The following RABGAP1 variants were observed in gnomAD, a reference collection of about 807,000 sequenced individuals.
RABGAP1 encodes RAB GTPase activating protein 1.
RABGAP1 carries 23 observed loss-of-function variants against 137.6 expected under a neutral mutation model. The ratio of observed to expected loss-of-function variants is 0.17; its 90% confidence interval spans 0.12 to 0.24. The LOEUF is 0.24. RABGAP1 is among the 10% of genes least tolerant of loss of function. RABGAP1 has a pLI of 1.00. For synonymous variants in RABGAP1, 451 were observed against 450.7 expected (o/e 1.00, Z -0.01); for missense variants, 906 against 1,275.8 (o/e 0.71, Z 4.42).
At chr9:123,012,644 A>G (rs1325047487) in intron 11 of RABGAP1, among the ~76,000 whole-genome samples, 1 of 152,230 alleles carries the variant, frequency 6.6e-6, no homozygotes, top group East Asian at 1.9e-4. Flanking sequence ...CTTGGGGGAA[A>G]TCATGGAACA....
At chr9:123,066,530 C>T (rs1438589241) in intron 14 of RABGAP1, among the ~76,000 whole-genome samples, 1 of 152,176 alleles carries the variant, frequency 6.6e-6, no homozygotes, top group South Asian at 2.1e-4. Flanking sequence ...TAAGACATGT[C>T]ACTCTCTTGG....
At chr9:123,020,678 AG>A (rs1342441935) in intron 13 of RABGAP1, among the ~76,000 whole-genome samples, 4 of 152,208 alleles carry the variant, frequency 2.6e-5, no homozygotes, top group African/African-American at 9.7e-5. Flanking sequence ...GGTGTCTTCT[AG>A]CCCATTGTAT....
At chr9:122,953,981 A>G (rs567123515) in intron 1 of RABGAP1, among the ~76,000 whole-genome samples, 1 of 152,288 alleles carries the variant, frequency 6.6e-6, no homozygotes, top group East Asian at 1.9e-4. Context: ...TTTACATTAT[A>G]CTTAAATTAC....
intron 19 of RABGAP1, among the ~76,000 whole-genome samples, chr9:123,083,306 T>C (rs570486649): frequency 2.0e-5 from 3 of 152,362 alleles, no homozygotes; most frequent in South Asian, 4.1e-4. Context: ...TTGAAACTTA[T>C]TCTCTATACA....
intron 8 of RABGAP1, 92 bp from the exon 9 acceptor site, chr9:122,997,167 T>G (rs762119749): frequency 7.1e-6 from 6 of 847,310 alleles, no homozygotes; most frequent in Non-Finnish European, 7.5e-6. Context: ...CTTATATTTT[T>G]GCAGCTTCTG....
intron 2 of RABGAP1, among the ~76,000 whole-genome samples, chr9:122,970,943 A>G (rs951872283): frequency 3.3e-5 from 5 of 152,218 alleles, no homozygotes; most frequent in African/African-American, 1.2e-4. Flanking sequence ...GAACAAAAAC[A>G]AAGAGGGTAC....
intron 10 of RABGAP1, among the ~76,000 whole-genome samples, chr9:123,001,463 C>T (rs1488553110): frequency 2.0e-5 from 3 of 152,104 alleles, no homozygotes; most frequent in African/African-American, 7.2e-5. Context: ...CTAGTATACC[C>T]AAGTTAGCCC....
At chr9:122,981,221 G>A (rs1340414250) in intron 2 of RABGAP1, among the ~76,000 whole-genome samples, 1 of 151,892 alleles carries the variant, frequency 6.6e-6, no homozygotes, top group Non-Finnish European at 1.5e-5. Flanking sequence ...AGACAGGGTT[G>A]CACCATGTTG....
chr9:122,945,147 C>CTTTTTTTGTTTTTTTTTTTTTTTTTTT (rs1833874318), intron 1 of RABGAP1, among the ~76,000 whole-genome samples: 1 of 75,770 alleles, frequency 1.3e-5, no homozygotes, highest in Non-Finnish European at 2.9e-5. Flanking sequence ...ATAGCTGTTG[C>CTTTTTTTGTTTTTTTTTTTTTTTTTTT]TTTTTTTTTT....
chr9:122,977,558 C>G (rs1267236356), intron 2 of RABGAP1, among the ~76,000 whole-genome samples: 2 of 152,040 alleles, frequency 1.3e-5, no homozygotes, highest in African/African-American at 2.4e-5. Context: ...ATACAAAAAT[C>G]AGCTGGGCGT....
At chr9:123,048,723 A>G (rs1322459175) in intron 13 of RABGAP1, among the ~76,000 whole-genome samples, 3 of 152,198 alleles carry the variant, frequency 2.0e-5, no homozygotes, top group African/African-American at 7.2e-5. Flanking sequence ...CCCTTTGACT[A>G]TCACCACCTC....
rs1247570775 is a variant in RABGAP1 at position 123,065,407 on chromosome 9, C to A, written c.1854C>A (p.Asp618Glu). 4 of 1,612,946 alleles carry A rather than the reference C, an allele frequency of 2.5e-6. No homozygotes were observed. In the East Asian group the frequency reaches 8.9e-5, roughly 36 times the overall value. ...RDINRTFPAH[D>E]YFKDTGGDGQ... ...TTAACCGAACATTCCCAGCCCATGA[C>A]TACTTTAAGGACACAGGAGGAGATG... Residue 618 changes from aspartate to glutamate, a missense_variant, in exon 14 of 26, where the codon GAC (aspartate) becomes GAA (glutamate). Around this residue, in one of 9 missense-constraint regions of RABGAP1, gnomAD observed 30 missense variants for 105.8 expected, o/e 0.28. Transcript: ENST00000373647.
At chr9:123,062,591 G>T (rs1236081883) in intron 13 of RABGAP1, 6 of 152,064 alleles carry the variant, frequency 3.9e-5, no homozygotes, top group Non-Finnish European at 8.8e-5. Context: ...ATTCTTGAAG[G>T]CATCAAAAAT....
intron 1 of RABGAP1, among the ~76,000 whole-genome samples, chr9:122,953,420 T>TG (rs1165585291): frequency 6.6e-6 from 1 of 151,884 alleles, no homozygotes; most frequent in African/African-American, 2.4e-5. Flanking sequence ...TTTTTTTTTT[T>TG]GAGACAGAGT....
In RABGAP1 at chr9:122,996,501, T is replaced by C. The variant is rs753809458; in HGVS notation, c.1035-38T>C. On this transcript the variant is annotated intron_variant, in intron 7 of 25. Transcript: ENST00000373647. Reference sequence around the variant, plus strand: ...CTAATTTAAACGTTCTTTTGTGTTATCTTTTTTCTTAAATTTATGTCAGTT... The same window carrying C: ...CTAATTTAAACGTTCTTTTGTGTTACCTTTTTTCTTAAATTTATGTCAGTT... The C allele has an allele frequency of 3.2e-6, 5 of 1,548,616 alleles. No individual in the cohort carries two copies. In the Admixed American group the frequency reaches 5.9e-5, roughly 18 times the overall value.
intron 13 of RABGAP1, among the ~76,000 whole-genome samples, chr9:123,061,210 C>T (rs1166713317): frequency 6.6e-6 from 1 of 152,180 alleles, no homozygotes; most frequent in Non-Finnish European, 1.5e-5. Context: ...CCTCTACCTC[C>T]TGGGCTCAAG....
chr9:122,937,123 A>G (rs1302840245), upstream of RABGAP1, among the ~76,000 whole-genome samples: 1 of 152,242 alleles, frequency 6.6e-6, no homozygotes, highest in Non-Finnish European at 1.5e-5. Flanking sequence ...ACATAGTGAG[A>G]CCCCATCTCT....
chr9:122,938,743 G>C (rs181736079), upstream of RABGAP1: 6 of 152,272 alleles, frequency 3.9e-5, no homozygotes, highest in Admixed American at 2.0e-4. Context: ...AATGAAACAT[G>C]AAGTATAACC....
chr9:123,002,721 T>C (rs1337365371), intron 10 of RABGAP1, among the ~76,000 whole-genome samples: 1 of 152,186 alleles, frequency 6.6e-6, no homozygotes, highest in African/African-American at 2.4e-5. Flanking sequence ...TCATACAGTA[T>C]GTTATTCAAA....
Sources: allele counts gnomAD v4.1 joint callset (sites outside exome capture counted in the v4.1 genomes callset), GRCh38; gene constraint gnomAD v4.1.1; regional missense constraint gnomAD v4.1.1; transcripts MANE v1.5; gene names NCBI Gene and HGNC (gene_info 2026-07-23, HGNC 2026-07-21).